CALN1: variants seen among roughly 807,000 people sequenced by gnomAD.
CALN1 encodes the protein calneuron 1.
Under a neutral mutation model 30.6 loss-of-function variants are expected in CALN1, and 17 were observed. The observed-to-expected ratio is 0.56, with a 90% CI of 0.38 to 0.83. The LOEUF is 0.83. Among genes scored for constraint, CALN1 ranks in the 40% least tolerant of loss-of-function variants. The pLI is 0.00. For synonymous variants in CALN1, 156 were observed against 131.4 expected, an observed-to-expected ratio of 1.19 and a Z score of -1.28; for missense variants, 291 against 354.9, an observed-to-expected ratio of 0.82 and a Z score of 1.45.
chr7:72,330,499 T>C (rs1420962430), intron 2 of CALN1, among the ~76,000 whole-genome samples: 4 of 150,706 alleles, frequency 2.7e-5, no homozygotes, highest in African/African-American at 9.8e-5. Context: ...GAGAGAGACC[T>C]TTGTTGGCCA....
In CALN1 at chr7:72,393,081, G is replaced by A. The variant is rs1298896099; in HGVS notation, c.119+10170C>T. Among the ~76,000 whole-genome samples the A allele has an allele frequency of 2.6e-5, 4 of 152,066 alleles. No homozygotes were observed. In the South Asian group the frequency reaches 6.2e-4, roughly 24 times the overall value. The stretch of plus-strand genomic sequence containing the variant: ...GTGATTCCAATTTTTTCCATGAAAG[G>A]GTTTCTAATGAAGGACAATTACAGG... On this transcript the variant is annotated intron_variant, in intron 2 of 6. Coordinates refer to ENST00000395275, the MANE Select transcript of CALN1 (RefSeq NM_031468.4).
At chr7:72,266,631 C>G (rs1390262343) in intron 3 of CALN1, among the ~76,000 whole-genome samples, 2 of 152,026 alleles carry the variant, frequency 1.3e-5, no homozygotes, top group Admixed American at 6.6e-5. Context: ...TCTTATGATG[C>G]CTTGATCGCT....
chr7:72,386,364 A>C (rs1265590122), intron 2 of CALN1, among the ~76,000 whole-genome samples: 1 of 150,994 alleles, frequency 6.6e-6, no homozygotes, highest in Non-Finnish European at 1.5e-5. Flanking sequence ...GTGCTGACTT[A>C]AGTAACTTTG....
chr7:72,487,738 G>GAAAGAAAGAAAGAAAGA, the CALN1 span, among the ~76,000 whole-genome samples: 4 of 43,214 alleles, frequency 9.3e-5, no homozygotes, highest in African/African-American at 5.0e-4. Flanking sequence ...AGAAAGAAAG[G>GAAAGAAAGAAAGAAAGA]AAGGAAGGAA....
intron 5 of CALN1, among the ~76,000 whole-genome samples, chr7:71,970,456 T>A (rs1405305142): frequency 6.6e-6 from 1 of 152,190 alleles, no homozygotes; most frequent in African/African-American, 2.4e-5. Flanking sequence ...CCCAGCATAT[T>A]TGACCAAGTA....
chr7:71,790,401 AAAGAAAG>A (rs1793303159), intron 6 of CALN1, among the ~76,000 whole-genome samples: 3 of 92,776 alleles, frequency 3.2e-5, no homozygotes, highest in African/African-American at 9.2e-5. Flanking sequence ...AGAAAGAAAG[AAAGAAAG>A]AAAGAAAGAA....
At chr7:72,195,951 A>G (rs1790959935) in intron 3 of CALN1, among the ~76,000 whole-genome samples, 4 of 152,224 alleles carry the variant, frequency 2.6e-5, no homozygotes, top group Admixed American at 1.3e-4. Flanking sequence ...GGAAACTTGA[A>G]AACATTACAC....
chr7:72,391,097 G>A (rs925059922), intron 2 of CALN1, among the ~76,000 whole-genome samples: 8 of 151,916 alleles, frequency 5.3e-5, no homozygotes, highest in South Asian at 2.1e-4. Flanking sequence ...TGTGTTAATC[G>A]GCTTGTGGAG....
chr7:72,217,832 ATTTTTTTTTTT>A (rs35736777), intron 3 of CALN1, among the ~76,000 whole-genome samples: 1 of 67,300 alleles, frequency 1.5e-5, no homozygotes, highest in Non-Finnish European at 2.5e-5. Flanking sequence ...AATTAAATAA[ATTTTTTTTTTT>A]TTTTTTTTTT....
intron 5 of CALN1, among the ~76,000 whole-genome samples, chr7:72,000,141 A>AAGCTAC (rs1799454908): frequency 6.6e-6 from 1 of 152,162 alleles, no homozygotes; most frequent in South Asian, 2.1e-4. Flanking sequence ...ACAAAACAAA[A>AAGCTAC]AGCTACAAAG....
chr7:71,982,520 G>T (rs1798454152), intron 5 of CALN1, among the ~76,000 whole-genome samples: 1 of 152,176 alleles, frequency 6.6e-6, no homozygotes, highest in Non-Finnish European at 1.5e-5. Flanking sequence ...CTTGAACCGG[G>T]GAGGCAGAGG....
chr7:72,291,340 T>G (rs919695756), intron 2 of CALN1, among the ~76,000 whole-genome samples: 1 of 152,220 alleles, frequency 6.6e-6, no homozygotes, highest in African/African-American at 2.4e-5. Context: ...TGACAAACTG[T>G]TTCCCAGTAT....
At chr7:72,175,101 T>C (rs1789252577) in intron 3 of CALN1, among the ~76,000 whole-genome samples, 1 of 150,910 alleles carries the variant, frequency 6.6e-6, no homozygotes, top group Admixed American at 6.6e-5. Flanking sequence ...TGAGACAGAG[T>C]CTCACTCTGT....
intron 2 of CALN1, among the ~76,000 whole-genome samples, chr7:72,305,757 G>A (rs952019700): frequency 6.6e-6 from 1 of 152,200 alleles, no homozygotes. Context: ...TTAAACAACA[G>A]AAATTAATTT....
rs1342671099 is a variant in CALN1, at chr7:72,333,682, G to C, written c.120-54872C>G. ...CTATACCAACATGGGTACAGAAAGG[G>C]AATATGCAGAAAAAAAAAAAAAAAA... is the stretch of plus-strand genomic sequence containing the variant. On this transcript the variant is annotated intron_variant, in intron 2 of 6. Transcript: ENST00000395275. 9.4e-5 allele frequency among the ~76,000 whole-genome samples: 12 copies of C among 127,896 alleles called. No individual in the cohort carries two copies. In the Admixed American group the frequency reaches 9.8e-4, roughly 10 times the overall value. 83.9% of individuals were successfully genotyped at this position (127,896 alleles called of 152,430 possible). A position where few individuals can be genotyped will look rare whatever the true frequency, so the allele number is the denominator to read the frequency against.
chr7:72,273,273 T>C (rs1797115147), intron 3 of CALN1, among the ~76,000 whole-genome samples: 1 of 151,808 alleles, frequency 6.6e-6, no homozygotes, highest in Admixed American at 6.6e-5. Context: ...ATTACAAAAA[T>C]TCGCCAGGCG....
intron 5 of CALN1, among the ~76,000 whole-genome samples, chr7:71,840,198 C>T (rs868817677): frequency 1.7e-4 from 25 of 147,358 alleles, no homozygotes; most frequent in African/African-American, 5.3e-4. Flanking sequence ...GGCAGTGGCT[C>T]ACACCTGTAA....
At chr7:72,298,233 G>A (rs908697589) in intron 2 of CALN1, among the ~76,000 whole-genome samples, 9 of 142,252 alleles carry the variant, frequency 6.3e-5, no homozygotes, top group East Asian at 4.2e-4. Context: ...GACAGAAAGC[G>A]TGCGACTCTT....
chr7:72,166,653 G>A (rs1304534285), intron 3 of CALN1, among the ~76,000 whole-genome samples: 1 of 152,222 alleles, frequency 6.6e-6, no homozygotes, highest in African/African-American at 2.4e-5. Flanking sequence ...GGGAAACAGA[G>A]TGGAGTGGCA....
Sources: gnomAD v4.1 joint callset for allele counts (sites outside exome capture counted in the v4.1 genomes callset) on GRCh38, gnomAD v4.1.1 for gene constraint, MANE v1.5 for transcripts, NCBI Gene and HGNC (gene_info 2026-07-23, HGNC 2026-07-21) for gene names.